NR1I2: variants seen among roughly 807,000 people sequenced by gnomAD.
NR1I2 encodes nuclear receptor subfamily 1 group I member 2.
A neutral mutation model predicts 43.3 loss-of-function variants in NR1I2; 42 were observed. The ratio of observed to expected loss-of-function variants is 0.97; its 90% CI spans 0.76 to 1.26. The LOEUF (loss-of-function observed/expected upper bound fraction) is 1.26, where lower values mean the gene tolerates loss of function less well. Among genes scored for constraint, NR1I2 ranks in the 50% most tolerant of loss-of-function variants. The pLI is 0.00. For missense variants in NR1I2, 559 were observed against 566.7 expected (o/e 0.99, Z 0.14); for synonymous variants, 229 against 215.0 (o/e 1.06, Z -0.57).
intron 1 of NR1I2, among the ~76,000 whole-genome samples, chr3:119,799,626 A>AATAAGTC (rs2055049633): frequency 6.6e-6 from 1 of 152,206 alleles, no homozygotes; most frequent in African/African-American, 2.4e-5. Context: ...ACAGGAATAG[A>AATAAGTC]ATAAGTCTTC....
At chr3:119,790,310 T>C (rs188271066) in intron 1 of NR1I2, among the ~76,000 whole-genome samples, 1 of 152,338 alleles carries the variant, frequency 6.6e-6, no homozygotes, top group East Asian at 1.9e-4. Context: ...ATTCATCAGT[T>C]GATGAAATTT....
intron 1 of NR1I2, among the ~76,000 whole-genome samples, chr3:119,788,371 G>GC (rs1394569800): frequency 6.6e-6 from 1 of 152,152 alleles, no homozygotes; most frequent in Non-Finnish European, 1.5e-5. Flanking sequence ...TCCTGCCTCA[G>GC]CCCCCCTAAG....
chr3:119,811,474 C>A, intron 3 of NR1I2, 65 bp from the exon 4 acceptor site: 1 of 1,486,634 alleles, frequency 6.7e-7, no homozygotes, highest in Non-Finnish European at 9.1e-7. Flanking sequence ...TACACAGTGG[C>A]TCTCCAGGGG....
chr3:119,790,191 T>C (rs999980774), intron 1 of NR1I2, among the ~76,000 whole-genome samples: 1 of 152,226 alleles, frequency 6.6e-6, no homozygotes, highest in Non-Finnish European at 1.5e-5. Flanking sequence ...CTTATTTCAC[T>C]TAGCATAATG....
chr3:119,801,011 C>A (rs78679848), intron 1 of NR1I2, among the ~76,000 whole-genome samples: 3,025 of 152,292 alleles, frequency 0.02, 40 homozygotes, highest in South Asian at 0.05. Flanking sequence ...GAGATTCTGG[C>A]TCCACCTCCT....
chr3:119,795,556 T>C (rs141522735), intron 1 of NR1I2, among the ~76,000 whole-genome samples: 62 of 152,306 alleles, frequency 4.1e-4, no homozygotes, highest in African/African-American at 1.5e-3. Context: ...CCCGTTAATC[T>C]GCCTTCCTCA....
At chr3:119,787,364 C>T (rs575131338) in intron 1 of NR1I2, among the ~76,000 whole-genome samples, 13 of 152,012 alleles carry the variant, frequency 8.6e-5, no homozygotes, top group Admixed American at 4.6e-4. Flanking sequence ...TCCTCATTTG[C>T]AAAAGGGATA....
chr3:119,784,807 T>A (rs2054821828), intron 1 of NR1I2, among the ~76,000 whole-genome samples: 1 of 152,210 alleles, frequency 6.6e-6, no homozygotes, highest in African/African-American at 2.4e-5. Context: ...ACATGTCCAT[T>A]TCTGTGTCCT....
chr3:119,795,042 A>G (rs1461262171), intron 1 of NR1I2, among the ~76,000 whole-genome samples: 1 of 152,214 alleles, frequency 6.6e-6, no homozygotes, highest in Non-Finnish European at 1.5e-5. Flanking sequence ...GGGCACCTCT[A>G]CTTGCCCATT....
At chr3:119,793,712 G>A (rs551802079) in intron 1 of NR1I2, among the ~76,000 whole-genome samples, 1 of 152,304 alleles carries the variant, frequency 6.6e-6, no homozygotes, top group East Asian at 1.9e-4. Flanking sequence ...TCCAGGTTCT[G>A]TACCCTCATC....
At chr3:119,796,225 C>T (rs1227472110) in intron 1 of NR1I2, among the ~76,000 whole-genome samples, 1 of 152,238 alleles carries the variant, frequency 6.6e-6, no homozygotes, top group Non-Finnish European at 1.5e-5. Context: ...AAGTGTACCG[C>T]ACTTCACGGC....
chr3:119,803,336 T>A (rs2055105822), intron 1 of NR1I2, among the ~76,000 whole-genome samples: 1 of 131,282 alleles, frequency 7.6e-6, no homozygotes. Context: ...TTTCTTTTTT[T>A]TTTCTGTCTC....
chr3:119,790,297 T>TCC (rs1248011673), intron 1 of NR1I2, among the ~76,000 whole-genome samples: 1 of 152,226 alleles, frequency 6.6e-6, no homozygotes, highest in African/African-American at 2.4e-5. Flanking sequence ...GTTTTGTTTA[T>TCC]CCATTCATCA....
chr3:119,809,423 C>T (rs1292525714), intron 2 of NR1I2, among the ~76,000 whole-genome samples: 1 of 151,930 alleles, frequency 6.6e-6, no homozygotes, highest in Non-Finnish European at 1.5e-5. Flanking sequence ...CCTAGGTCAA[C>T]GAGGGGAATC....
At chr3:119,787,145 A>T (rs2107944553) in intron 1 of NR1I2, among the ~76,000 whole-genome samples, 1 of 152,110 alleles carries the variant, frequency 6.6e-6, no homozygotes, top group Middle Eastern at 3.4e-3. Flanking sequence ...AAAATAATCC[A>T]GGTGTGGTGG....
chr3:119,812,215 ATGTC>A (rs2055253717), intron 4 of NR1I2, among the ~76,000 whole-genome samples: 1 of 152,098 alleles, frequency 6.6e-6, no homozygotes, highest in Non-Finnish European at 1.5e-5. Context: ...CACATTAACT[ATGTC>A]TGTGCTCTAA....
chr3:119,798,639 C>CA (rs142013482), intron 1 of NR1I2, among the ~76,000 whole-genome samples: 29,794 of 121,446 alleles, frequency 0.25, 3,751 homozygotes, highest in East Asian at 0.38. Context: ...GACTCCGTCT[C>CA]AAAAAAAAAA....
chr3:119,788,824 G>T (rs1003762099), intron 1 of NR1I2, among the ~76,000 whole-genome samples: 1 of 152,142 alleles, frequency 6.6e-6, no homozygotes, highest in African/African-American at 2.4e-5. Context: ...GCACCATAAA[G>T]TTGTTTTTAT....
Position 119,807,380 on chromosome 3 carries a change from T to C in NR1I2, c.130T>C (p.Cys44Arg). 1 of 1,614,210 alleles carries C rather than the reference T, an allele frequency of 6.2e-7. No homozygotes were observed. Among genetic ancestry groups the C allele is most frequent in the South Asian group, 1.1e-5 (1 of 91,082 alleles). The stretch of plus-strand genomic sequence containing the variant: ...CGGAGGTCCCCAAATCTGCCGTGTA[T>C]GTGGGGACAAGGCCACTGGCTATCA... Residue 44 changes from cysteine (C) to arginine (R), a missense_variant, in exon 2 of 9, where the codon TGT becomes CGT. Physicochemically the swap from Cys to Arg is radical, Grantham distance 180 (BLOSUM62 -3). Transcript: ENST00000393716.
Sources: allele counts gnomAD v4.1 joint callset (sites outside exome capture counted in the v4.1 genomes callset), GRCh38; gene constraint gnomAD v4.1.1; transcripts MANE v1.5; gene names NCBI Gene and HGNC (gene_info 2026-07-23, HGNC 2026-07-21).